AXIN2: variants seen among roughly 807,000 people sequenced by gnomAD.
The protein encoded by AXIN2 is axin 2, also known as axin-2.
In AXIN2, 21 loss-of-function variants were observed where a neutral mutation model predicts 74.7. That is an observed-to-expected ratio of 0.28 (90% CI 0.20 to 0.40). The LOEUF (loss-of-function observed/expected upper bound fraction) is 0.40. AXIN2 is among the 10% of genes least tolerant of loss of function. The pLI is 1.00. For missense variants in AXIN2, 1,144 were observed against 1,111.1 expected (o/e 1.03, Z -0.42); for synonymous variants, 532 against 454.9 (o/e 1.17, Z -2.16).
intron 9 of AXIN2, among the ~76,000 whole-genome samples, chr17:65,535,138 T>C (rs1598095227): frequency 6.6e-6 from 1 of 152,222 alleles, no homozygotes; most frequent in East Asian, 1.9e-4. Context: ...CACCATCCAG[T>C]AATTAAACGA....
intron 8 of AXIN2, 117 bp from the exon 9 acceptor site, chr17:65,535,838 C>T (rs1276606362): frequency 6.4e-6 from 6 of 933,326 alleles, no homozygotes; most frequent in Non-Finnish European, 1.0e-5. Flanking sequence ...CGACTTCCAT[C>T]CTTACGGAGA....
At position 65,537,467 on chromosome 17, in the gene AXIN2, G is replaced by C. The variant is rs745968863; in HGVS notation, c.1569C>G (p.Ala523=). 1 of 1,613,908 alleles carries C rather than the reference G, an allele frequency of 6.2e-7. No homozygotes were observed. Among genetic ancestry groups the C allele is most frequent in the Non-Finnish European group, 8.5e-7 (1 of 1,180,006 alleles). The change falls in exon 6 of 11, where the codon GCC becomes GCG. Residue 523 remains alanine (A), a synonymous_variant. Transcript: ENST00000307078. ...HVHHHYIHHH[A]VPKTKEEIEA... ...CGATCTCCTCCTTGGTCTTGGGGAC[G>C]GCATGGTGGTGGATGTAGTGGTGGT... is the stretch of plus-strand genomic sequence containing the variant.
chr17:65,538,057 C>T lies in AXIN2; in HGVS notation c.1200+146G>A, dbSNP rs74006840. The T allele has an allele frequency of 2.5e-3, 3,620 of 1,468,108 alleles. 75 individuals are homozygous for T. The African/African-American group carries it at 0.044, about 18-fold the overall frequency. The allele number at this position is 1,468,108 out of a possible 1,614,324, so 90.9% of individuals were successfully genotyped here. ...TGCACATGCGCACACAGCCCACGCC[C>T]AGGCACACACCCACACGCAGCCCAC... On this transcript the variant is annotated intron_variant, in intron 5 of 10. Transcript: ENST00000307078.
Position 65,535,665 on chromosome 17 carries a change from C to A in AXIN2, c.2198G>T (p.Gly733Val). ...GCTTGGATTGGAGAAGGGTGTGGCT[C>A]CCGTCTGAACAGTGGCCGAATGATT... Reference protein sequence around the residue: ...DRNHSATVQTGATPFSNPSLA... With the variant: ...DRNHSATVQTVATPFSNPSLA... The change falls in exon 9 of 11, where the codon GGA (glycine) becomes GTA (valine). Residue 733 changes from glycine (G) to valine (V), a missense_variant. Physicochemically the swap from Gly to Val is moderately radical, Grantham distance 109. Transcript: ENST00000307078. 6.2e-7 allele frequency: 1 copy of A among 1,614,194 alleles called. No individual in the cohort carries two copies. The highest frequency in any genetic ancestry group is 8.5e-7 in the Non-Finnish European group (1 of 1,180,046).
chr17:65,553,213 G>A (rs1261980295), intron 2 of AXIN2, among the ~76,000 whole-genome samples: 1 of 152,242 alleles, frequency 6.6e-6, no homozygotes, highest in East Asian at 1.9e-4. Flanking sequence ...ACGAATCTCC[G>A]ACGCTGAAAG....
At position 65,536,456 on chromosome 17, in the gene AXIN2, G is replaced by A. The variant is rs749487037; in HGVS notation, c.2005C>T (p.His669Tyr). The A allele has an allele frequency of 3.1e-6, 5 of 1,613,736 alleles. No homozygotes were observed. In the South Asian group the frequency reaches 5.5e-5, roughly 18 times the overall value. ...TGGGCACGGGGGGTGGTGCGGGGGT[G>A]CCCGCTGTTGCCCCCCCACAGATGG... ...RHHLWGGNSG[H>Y]PRTTPRAHLF... Residue 669 changes from histidine to tyrosine, a missense_variant, in exon 8 of 11, where the codon CAC becomes TAC. Transcript: ENST00000307078.
chr17:65,536,882 G>A lies in AXIN2; in HGVS notation c.1894C>T (p.Pro632Ser), dbSNP rs2144448300. 2 of 1,613,314 alleles carry A rather than the reference G, an allele frequency of 1.2e-6. No homozygotes were observed. Among genetic ancestry groups the A allele is most frequent in the Non-Finnish European group, 8.5e-7 (1 of 1,179,936 alleles). Residue 632 changes from proline (P) to serine (S), a missense_variant, in exon 7 of 11, where the codon CCC becomes TCC. By Grantham distance (74) the Pro-to-Ser change is moderately conservative. Around this residue, in one of 4 missense-constraint regions of AXIN2, gnomAD observed 1,053 missense variants for 973.5 expected, o/e 1.08. Coordinates refer to ENST00000307078, the MANE Select transcript of AXIN2 (RefSeq NM_004655.4). ...WMLESERQSK[P>S]KPHSAQSTKK... The stretch of plus-strand genomic sequence containing the variant: ...AGCGGTGTTTACCTATGGGGCTTGG[G>A]CTTGCTCTGCCGCTCACTCTCCAGC...
At chr17:65,553,803 A>G (rs967751020) in intron 2 of AXIN2, among the ~76,000 whole-genome samples, 33 of 143,684 alleles carry the variant, frequency 2.3e-4, no homozygotes, top group African/African-American at 7.3e-4. Context: ...AATTTTAAGA[A>G]AACGGAGTGG....
chr17:65,549,087 T>G (rs576851669), intron 3 of AXIN2, among the ~76,000 whole-genome samples: 10 of 152,314 alleles, frequency 6.6e-5, no homozygotes, highest in Non-Finnish European at 8.8e-5. Flanking sequence ...AATGAATACC[T>G]AAACACAGAC....
intron 2 of AXIN2, 113 bp from the exon 3 acceptor site, chr17:65,549,773 C>T (rs1456204384): frequency 3.6e-6 from 5 of 1,378,790 alleles, no homozygotes; most frequent in Non-Finnish European, 5.0e-6. Context: ...CAACGCCAAC[C>T]TGCTGCCCAG....
In AXIN2 at chr17:65,549,544, G is replaced by T; in HGVS notation, c.932C>A (p.Ser311Tyr). The change falls in exon 3 of 11, where the codon TCC (serine) becomes TAC (tyrosine). Residue 311 changes from serine to tyrosine, a missense_variant. This residue lies in a region of AXIN2 where 1,053 missense variants were observed against 973.5 expected (regional missense o/e 1.08). Transcript: ENST00000307078. ...EISSDALTDD[S>Y]MSMTDSSVDG... ...CACACTGCTGTCCGTCATGGACATG[G>T]AATCATCCGTCAGCGCATCACTGGA... is the stretch of plus-strand genomic sequence containing the variant. 6.2e-7 allele frequency: 1 copy of T among 1,612,290 alleles called. No homozygotes were observed. The highest frequency in any genetic ancestry group is 8.5e-7 in the Non-Finnish European group (1 of 1,179,266).
chr17:65,557,552 T>G (rs1450141287), intron 2 of AXIN2, among the ~76,000 whole-genome samples: 2 of 152,142 alleles, frequency 1.3e-5, no homozygotes, highest in African/African-American at 4.8e-5. Flanking sequence ...CCCGGGATAA[T>G]AAGTAACCCA....
At chr17:65,560,965 T>C (rs2044362183) in intron 1 of AXIN2, 1 of 142,606 alleles carries the variant, frequency 7.0e-6, no homozygotes, top group East Asian at 2.2e-4. Context: ...TGGGGAGTCG[T>C]GCGGCGGGGG....
Position 65,558,751 on chromosome 17 carries a change from A to G in AXIN2, c.-116-15T>C. ...GAACCTCCTCTCTGGAAAGAAAAGGAAGGGGGGAGGTGGGGAGAGAGAAAA... is the reference window on the plus strand; with the variant it reads ...GAACCTCCTCTCTGGAAAGAAAAGGGAGGGGGGAGGTGGGGAGAGAGAAAA... On this transcript the variant is annotated splice_polypyrimidine_tract_variant and intron_variant, in intron 1 of 10. Transcript: ENST00000307078. 1.1e-6 allele frequency: 1 copy of G among 947,186 alleles called. No homozygotes were observed. The highest frequency in any genetic ancestry group is 1.6e-6 in the Non-Finnish European group (1 of 612,526). 58.7% of individuals were successfully genotyped at this position (947,186 alleles called of 1,614,324 possible).
intron 10 of AXIN2, among the ~76,000 whole-genome samples, 166 bp downstream of exon 10, chr17:65,533,746 C>T (rs1267337800): frequency 6.6e-6 from 1 of 152,214 alleles, no homozygotes; most frequent in East Asian, 1.9e-4. Flanking sequence ...TTGCTGCTAG[C>T]GGTGAGGGGA....
intron 2 of AXIN2, among the ~76,000 whole-genome samples, chr17:65,555,636 A>C (rs990337184): frequency 6.6e-6 from 1 of 152,154 alleles, no homozygotes; most frequent in Non-Finnish European, 1.5e-5. Context: ...TAACAATCCT[A>C]TGACACAGAC....
chr17:65,536,985 T>A lies in AXIN2; in HGVS notation c.1791A>T (p.Gly597=). The A allele has an allele frequency of 1.2e-6, 2 of 1,612,682 alleles. No homozygotes were observed. The highest frequency in any genetic ancestry group is 1.7e-6 in the Non-Finnish European group (2 of 1,179,842). The change falls in exon 7 of 11, where the codon GGA becomes GGT. Residue 597 remains glycine, a synonymous_variant. Transcript: ENST00000307078. ...EPGLALPARE[G]GAPGGAGALQ... is the part of the protein sequence containing the mutation. ...GGGCCCCAGCTCCGCCGGGGGCCCC[T>A]CCTTCCCTGGCGGGCAGGGCCAGGC...
rs781560435 is a variant in AXIN2, at chr17:65,558,502, A to C, written c.119T>G (p.Val40Gly). The C allele has an allele frequency of 1.7e-5, 28 of 1,612,310 alleles. No homozygotes were observed. The Admixed American group carries it at 4.2e-4, about 24-fold the overall frequency. ...EGETPPCQPG[V>G]GKGQVTKPMP... is the part of the protein sequence containing the mutation. ...GGGTTTGGTGACCTGGCCCTTGCCC[A>C]CCCCTGGCTGACACGGTGGGGTCTC... Residue 40 changes from valine (V) to glycine (G), a missense_variant, in exon 2 of 11, where the codon GTG becomes GGG. By Grantham distance (109) the Val-to-Gly change is moderately radical. Around this residue, in one of 4 missense-constraint regions of AXIN2, gnomAD observed 1,053 missense variants for 973.5 expected, o/e 1.08. Coordinates refer to ENST00000307078, the MANE Select transcript of AXIN2 (RefSeq NM_004655.4).
chr17:65,543,323 C>T (rs1036438004), intron 3 of AXIN2, among the ~76,000 whole-genome samples: 13 of 152,142 alleles, frequency 8.5e-5, no homozygotes, highest in African/African-American at 2.9e-4. Flanking sequence ...TCATGAGGCT[C>T]GGCACCTGAC....
Sources: allele counts gnomAD v4.1 joint callset (sites outside exome capture counted in the v4.1 genomes callset), GRCh38; gene constraint gnomAD v4.1.1; regional missense constraint gnomAD v4.1.1; transcripts MANE v1.5; gene names NCBI Gene and HGNC (gene_info 2026-07-23, HGNC 2026-07-21).